Variants in SGCD observed in about 807,000 individuals in gnomAD.
SGCD encodes the protein sarcoglycan delta.
In SGCD, 18 loss-of-function variants were observed where a neutral mutation model predicts 36.6. That is an observed-to-expected ratio of 0.49 (90% CI 0.34 to 0.73). The LOEUF (loss-of-function observed/expected upper bound fraction) is 0.73. Ranked by LOEUF, SGCD falls within the 30% of genes least tolerant of loss-of-function variation. The pLI is 0.01. For missense variants in SGCD, 387 were observed against 346.7 expected, an observed-to-expected ratio of 1.12 and a Z score of -0.92; for synonymous variants, 133 against 130.6, an observed-to-expected ratio of 1.02 and a Z score of -0.12.
the SGCD span, among the ~76,000 whole-genome samples, chr5:155,792,139 C>T: frequency 6.6e-6 from 1 of 151,998 alleles, no homozygotes; most frequent in African/African-American, 2.4e-5. Flanking sequence ...ACAAAGTTGA[C>T]AAAAGCAGTG....
intron 3 of SGCD, among the ~76,000 whole-genome samples, chr5:156,294,446 A>T (rs183350734): frequency 9.8e-4 from 149 of 152,210 alleles, no homozygotes; most frequent in African/African-American, 3.3e-3. Context: ...AGTAAAAAAA[A>T]AGCAAAATAA....
intron 1 of SGCD, among the ~76,000 whole-genome samples, chr5:155,949,626 C>T (rs919051793): frequency 6.6e-6 from 1 of 152,050 alleles, no homozygotes; most frequent in African/African-American, 2.4e-5. Flanking sequence ...AAATTGAGAG[C>T]AATATTTTAT....
chr5:156,420,297 T>A (rs1773241573), intron 3 of SGCD, among the ~76,000 whole-genome samples: 1 of 152,104 alleles, frequency 6.6e-6, no homozygotes, highest in African/African-American at 2.4e-5. Flanking sequence ...TGCTTTTACA[T>A]CTGAAAATGT....
chr5:156,448,726 T>C (rs1000116451), intron 3 of SGCD, among the ~76,000 whole-genome samples: 2 of 139,468 alleles, frequency 1.4e-5, no homozygotes, highest in African/African-American at 5.6e-5. Context: ...TTTCTTTTTC[T>C]TTTTCTTTTT....
intron 6 of SGCD, among the ~76,000 whole-genome samples, chr5:156,623,447 T>G (rs1762330656): frequency 6.6e-6 from 1 of 152,212 alleles, no homozygotes; most frequent in Admixed American, 6.5e-5. Flanking sequence ...TGCAGCCTGC[T>G]CTATAAGACT....
At chr5:155,905,600 A>T (rs2113345959) in intron 1 of SGCD, among the ~76,000 whole-genome samples, 1 of 152,126 alleles carries the variant, frequency 6.6e-6, no homozygotes, top group Non-Finnish European at 1.5e-5. Context: ...TTATTGTGTG[A>T]TATGGTTTGG....
intron 3 of SGCD, among the ~76,000 whole-genome samples, chr5:156,379,346 A>C (rs1770854871): frequency 6.6e-6 from 1 of 152,186 alleles, no homozygotes; most frequent in South Asian, 2.1e-4. Context: ...AAATATCTGC[A>C]ATAAGTAGAG....
At chr5:155,987,728 A>G (rs1442513064) in intron 1 of SGCD, among the ~76,000 whole-genome samples, 1 of 151,992 alleles carries the variant, frequency 6.6e-6, no homozygotes, top group Non-Finnish European at 1.5e-5. Flanking sequence ...TCTGCTGAAA[A>G]CACTCCATTC....
At chr5:156,135,638 T>G (rs1327136758) in intron 3 of SGCD, among the ~76,000 whole-genome samples, 1 of 152,194 alleles carries the variant, frequency 6.6e-6, no homozygotes, top group Non-Finnish European at 1.5e-5. Flanking sequence ...GGGTCTTATA[T>G]TAGAATTTTG....
Position 156,217,134 on chromosome 5 carries a change from A to G in SGCD, c.-44+93115A>G, listed in dbSNP as rs752280237. Among the ~76,000 whole-genome samples, 31 of 152,306 alleles carry G rather than the reference A, an allele frequency of 2.0e-4. No homozygotes were observed. The Middle Eastern group carries it at 0.02, about 100-fold the overall frequency. On this transcript the variant is annotated intron_variant, in intron 3 of 9. Transcript: ENST00000517913. ...GAAAGAAAATGAATGTCGCATGTTA[A>G]TAGTAAGAGTTCTTAGACCAAAAAG...
rs1026223862 is a variant in SGCD at position 156,567,349 on chromosome 5, CAGGG to C, written c.295-21868_295-21865del. On this transcript the variant is annotated intron_variant, in intron 4 of 8. Transcript: ENST00000337851. ...GGAAGGAGAGAGGGAGGGAGTGAGG[CAGGG>C]AGGGAGGGAGGGATGGATAGATAAA... Among the ~76,000 whole-genome samples the C allele has an allele frequency of 9.3e-5, 10 of 107,156 alleles. No individual in the cohort carries two copies. The East Asian group carries it at 1.3e-3, about 14-fold the overall frequency. 70.3% of individuals were successfully genotyped at this position (107,156 alleles called of 152,430 possible). A position where few individuals can be genotyped will look rare whatever the true frequency, so the allele number is the denominator to read the frequency against.
intron 3 of SGCD, among the ~76,000 whole-genome samples, chr5:156,130,927 C>G (rs1169194337): frequency 6.6e-6 from 1 of 152,092 alleles, no homozygotes; most frequent in Non-Finnish European, 1.5e-5. Context: ...CGGGGTTTCA[C>G]CACGTTGGCC....
chr5:156,394,561 A>G (rs1476031005), intron 3 of SGCD, among the ~76,000 whole-genome samples: 2 of 152,138 alleles, frequency 1.3e-5, no homozygotes, highest in Non-Finnish European at 2.9e-5. Context: ...GTTCCTAGAC[A>G]TTTTCACTTT....
chr5:155,729,503 T>A, the SGCD span, among the ~76,000 whole-genome samples: 1 of 152,304 alleles, frequency 6.6e-6, no homozygotes, highest in Middle Eastern at 3.4e-3. Context: ...GAGGTGCTAG[T>A]GAAATTTATC....
chr5:156,630,605 C>T (rs1469309412), intron 6 of SGCD, among the ~76,000 whole-genome samples: 1 of 152,168 alleles, frequency 6.6e-6, no homozygotes, highest in Non-Finnish European at 1.5e-5. Context: ...GTTGCTTAAT[C>T]TTAAATGACT....
chr5:156,578,386 G>A (rs1760076327), intron 4 of SGCD, among the ~76,000 whole-genome samples: 1 of 152,076 alleles, frequency 6.6e-6, no homozygotes, highest in Non-Finnish European at 1.5e-5. Flanking sequence ...TTTTTTTGTA[G>A]TGTCTCTGCC....
intron 1 of SGCD, among the ~76,000 whole-genome samples, chr5:155,983,241 G>A (rs1489210570): frequency 1.3e-5 from 2 of 152,158 alleles, no homozygotes; most frequent in African/African-American, 4.8e-5. Flanking sequence ...TTTTGCTGAT[G>A]AGAACACTGA....
chr5:155,917,184 T>A (rs1213687227), intron 1 of SGCD, among the ~76,000 whole-genome samples: 1 of 152,182 alleles, frequency 6.6e-6, no homozygotes, highest in Non-Finnish European at 1.5e-5. Context: ...GTTGCACTTC[T>A]CACCTCTGAC....
chr5:155,730,852 T>C, the SGCD span, among the ~76,000 whole-genome samples: 1 of 152,254 alleles, frequency 6.6e-6, no homozygotes, highest in South Asian at 2.1e-4. Context: ...GTTTCCCTCC[T>C]AAGGAGCGCC....
Sources: allele counts gnomAD v4.1 joint callset (sites outside exome capture counted in the v4.1 genomes callset), GRCh38; gene constraint gnomAD v4.1.1; transcripts MANE v1.5; gene names NCBI Gene and HGNC (gene_info 2026-07-23, HGNC 2026-07-21).